PCNX1: variants seen among roughly 807,000 people sequenced by gnomAD.
PCNX1 encodes pecanex-like protein 1.
PCNX1 carries 78 observed loss-of-function variants against 242.2 expected under a neutral mutation model. The ratio of observed to expected loss-of-function variants is 0.32; its 90% confidence interval spans 0.27 to 0.39. The LOEUF is 0.39. Among genes scored for constraint, PCNX1 ranks in the 10% least tolerant of loss-of-function variants. The pLI is 1.00. For synonymous variants in PCNX1, 1,024 were observed against 1,032.9 expected, an observed-to-expected ratio of 0.99 and a Z score of 0.17; for missense variants, 2,581 against 2,856.5, an observed-to-expected ratio of 0.90 and a Z score of 2.20.
intron 5 of PCNX1, among the ~76,000 whole-genome samples, chr14:70,974,677 C>T (rs2058643202): frequency 2.6e-5 from 4 of 152,154 alleles, no homozygotes; most frequent in Admixed American, 2.6e-4. Flanking sequence ...GATAAGAATA[C>T]CTTTTCAAGT....
intron 10 of PCNX1, chr14:71,012,742 G>C (rs2059855923): frequency 2.4e-6 from 1 of 408,292 alleles, no homozygotes; most frequent in Non-Finnish European, 4.5e-6. Flanking sequence ...CTGAGGCAGA[G>C]AATTGCTTGA....
In PCNX1 at chr14:70,957,780, T is replaced by C. The variant is rs77995095; in HGVS notation, c.363-4446T>C. Among the ~76,000 whole-genome samples the C allele has an allele frequency of 9.0e-3, 1,368 of 152,260 alleles. 10 individuals are homozygous for C. Among genetic ancestry groups the C allele is most frequent in the Non-Finnish European group, 0.012 (843 of 68,014 alleles). ...TGAACTGTACGATATGTGAATCATA[T>C]TTCAATAAAGTTGACATATGTGTAT... On this transcript the variant is annotated intron_variant, in intron 2 of 35. Transcript: ENST00000304743.
intron 6 of PCNX1, 75 bp downstream of exon 6, chr14:70,978,723 A>G (rs1258170045): frequency 7.9e-7 from 1 of 1,259,384 alleles, no homozygotes; most frequent in Non-Finnish European, 1.1e-6. Flanking sequence ...AGTACTTACT[A>G]AAATATGCTT....
chr14:71,066,565 T>G (rs545392755), intron 26 of PCNX1, among the ~76,000 whole-genome samples: 1 of 152,334 alleles, frequency 6.6e-6, no homozygotes, highest in African/African-American at 2.4e-5. Context: ...CAGAGACAAT[T>G]TGACTTCCTC....
At chr14:70,969,784 G>T in intron 5 of PCNX1, 1 of 152,550 alleles carries the variant, frequency 6.6e-6, no homozygotes, top group Non-Finnish European at 1.5e-5. Flanking sequence ...ACCAGCCTGG[G>T]CAACATGGCG....
intron 26 of PCNX1, among the ~76,000 whole-genome samples, chr14:71,069,570 G>T (rs61990419): frequency 0.36 from 54,400 of 151,964 alleles, 10,012 homozygotes; most frequent in East Asian, 0.62. Flanking sequence ...AGTAAGTATC[G>T]CAGTAAAGCA....
At chr14:71,020,209 T>A (rs977632327) in intron 12 of PCNX1, among the ~76,000 whole-genome samples, 1 of 152,232 alleles carries the variant, frequency 6.6e-6, no homozygotes, top group African/African-American at 2.4e-5. Flanking sequence ...TGGTTCCAAG[T>A]CTTTGCTATT....
At chr14:70,970,149 C>G (rs2140024912) in intron 5 of PCNX1, 1 of 152,124 alleles carries the variant, frequency 6.6e-6, no homozygotes, top group Non-Finnish European at 1.5e-5. Context: ...CGCTTGAGTC[C>G]AGGAGTTTGA....
chr14:70,957,524 A>G (rs1156266938), intron 2 of PCNX1, among the ~76,000 whole-genome samples: 1 of 152,230 alleles, frequency 6.6e-6, no homozygotes, highest in Non-Finnish European at 1.5e-5. Context: ...AGCCAGACAC[A>G]AAACATCACA....
At chr14:70,934,529 C>T (rs2056925907) in intron 1 of PCNX1, among the ~76,000 whole-genome samples, 1 of 152,160 alleles carries the variant, frequency 6.6e-6, no homozygotes, top group African/African-American at 2.4e-5. Context: ...TGATCCTCCC[C>T]CCTCAGCCTC....
At chr14:70,994,640 ACT>A (rs2059292779) in intron 7 of PCNX1, among the ~76,000 whole-genome samples, 1 of 151,308 alleles carries the variant, frequency 6.6e-6, no homozygotes, top group African/African-American at 2.4e-5. Context: ...TTAGTTGCAG[ACT>A]CTGGGATTGT....
intron 1 of PCNX1, among the ~76,000 whole-genome samples, chr14:70,919,770 G>C (rs1341810916): frequency 8.4e-6 from 1 of 119,416 alleles, no homozygotes; most frequent in Non-Finnish European, 1.6e-5. Flanking sequence ...TTGTAAAACA[G>C]TTCAGAGTTC....
intron 10 of PCNX1, chr14:71,011,881 A>G (rs921535993): frequency 1.4e-5 from 3 of 215,500 alleles, no homozygotes; most frequent in Non-Finnish European, 2.7e-5. Context: ...TTGAAAAGTA[A>G]AACCCTCCCT....
At chr14:70,987,638 A>G (rs1297310939) in intron 6 of PCNX1, among the ~76,000 whole-genome samples, 1 of 152,234 alleles carries the variant, frequency 6.6e-6, no homozygotes, top group African/African-American at 2.4e-5. Flanking sequence ...TATTTAGATC[A>G]CACAGTTGTT....
At chr14:71,011,659 AT>A (rs926648798) in intron 10 of PCNX1, 110 bp downstream of exon 10, 2 of 700,830 alleles carry the variant, frequency 2.9e-6, no homozygotes, top group Non-Finnish European at 2.4e-6. Flanking sequence ...TTACACAAAA[AT>A]TTTTTGAAAA....
chr14:70,942,045 T>G (rs1204723237), intron 1 of PCNX1, among the ~76,000 whole-genome samples: 2 of 152,160 alleles, frequency 1.3e-5, no homozygotes, highest in African/African-American at 4.8e-5. Context: ...TTCCCTTGGC[T>G]AGGAAAGGGA....
At chr14:70,939,932 T>C (rs969695335) in intron 1 of PCNX1, among the ~76,000 whole-genome samples, 39 of 152,220 alleles carry the variant, frequency 2.6e-4, no homozygotes, top group African/African-American at 8.9e-4. Context: ...GTCTGTCTTA[T>C]CAGAGACTAG....
intron 2 of PCNX1, among the ~76,000 whole-genome samples, chr14:70,956,171 C>T (rs979609977): frequency 6.6e-6 from 1 of 152,122 alleles, no homozygotes; most frequent in Non-Finnish European, 1.5e-5. Flanking sequence ...AATCCCTGCT[C>T]TAAATAATGG....
intron 13 of PCNX1, among the ~76,000 whole-genome samples, chr14:71,024,474 A>C (rs921065766): frequency 1.3e-5 from 2 of 151,846 alleles, no homozygotes; most frequent in Non-Finnish European, 2.9e-5. Context: ...CCATCCCTCA[A>C]TTTGAGTTTG....
Sources: allele counts gnomAD v4.1 joint callset (sites outside exome capture counted in the v4.1 genomes callset), GRCh38; gene constraint gnomAD v4.1.1; transcripts MANE v1.5; gene names NCBI Gene and HGNC (gene_info 2026-07-23, HGNC 2026-07-21).